FRMD6: variants seen among roughly 807,000 people sequenced by gnomAD.
The protein encoded by FRMD6 is FERM domain-containing protein 6.
Under a neutral mutation model 73.2 loss-of-function variants are expected in FRMD6, and 37 were observed. The observed-to-expected ratio is 0.51, with a 90% CI of 0.39 to 0.66. The LOEUF is 0.66. FRMD6 is among the 30% of genes least tolerant of loss of function. The probability of loss-of-function intolerance (pLI) is 0.00; values close to 1 mark genes in which losing one functional copy is unlikely to be tolerated. For synonymous variants in FRMD6, 273 were observed against 282.2 expected, an observed-to-expected ratio of 0.97 and a Z score of 0.33; for missense variants, 714 against 780.5, an observed-to-expected ratio of 0.91 and a Z score of 1.02.
At chr14:51,542,160 C>T (rs1380134490) in intron 1 of FRMD6, among the ~76,000 whole-genome samples, 1 of 151,988 alleles carries the variant, frequency 6.6e-6, no homozygotes, top group Admixed American at 6.6e-5. Context: ...AACAAAATTT[C>T]CCATTTTAAA....
intron 6 of FRMD6, 24 bp downstream of exon 6, chr14:51,704,959 A>T (rs779063213): frequency 1.9e-6 from 3 of 1,583,312 alleles, no homozygotes; most frequent in Non-Finnish European, 2.6e-6. Flanking sequence ...TCAAATTCGA[A>T]AGAGTGTTTT....
chr14:51,566,034 G>C (rs890546593), intron 1 of FRMD6, among the ~76,000 whole-genome samples: 1 of 152,056 alleles, frequency 6.6e-6, no homozygotes, highest in Non-Finnish European at 1.5e-5. Context: ...GTGTGGTGGC[G>C]GGCGCCTGTA....
At chr14:51,472,654 A>T in the FRMD6 span, among the ~76,000 whole-genome samples, 1 of 151,760 alleles carries the variant, frequency 6.6e-6, no homozygotes, top group Non-Finnish European at 1.5e-5. Flanking sequence ...AAGGAGAACC[A>T]ACAGGGACCC....
At chr14:51,658,587 C>A (rs1212440167) in intron 1 of FRMD6, among the ~76,000 whole-genome samples, 1 of 152,156 alleles carries the variant, frequency 6.6e-6, no homozygotes, top group African/African-American at 2.4e-5. Flanking sequence ...CTTCCTTCCA[C>A]CCCCATCCAG....
At chr14:51,671,792 A>G (rs888602769) in intron 1 of FRMD6, among the ~76,000 whole-genome samples, 5 of 152,248 alleles carry the variant, frequency 3.3e-5, no homozygotes. Context: ...CTGCAGGGGC[A>G]GACCATTCAC....
chr14:51,428,090 A>G, the FRMD6 span, among the ~76,000 whole-genome samples: 3 of 152,198 alleles, frequency 2.0e-5, no homozygotes, highest in Admixed American at 6.5e-5. Flanking sequence ...CTACATTTTA[A>G]AAAAGACTCA....
chr14:51,613,084 C>T (rs1299034872), intron 2 of FRMD6, among the ~76,000 whole-genome samples: 5 of 152,110 alleles, frequency 3.3e-5, no homozygotes, highest in African/African-American at 1.2e-4. Flanking sequence ...AGAATTGAGA[C>T]AGTTTATGGA....
intron 1 of FRMD6, among the ~76,000 whole-genome samples, chr14:51,543,419 ACTG>A (rs1213411437): frequency 6.6e-6 from 1 of 152,034 alleles, no homozygotes; most frequent in Non-Finnish European, 1.5e-5. Flanking sequence ...AAAAAACAAA[ACTG>A]CTAAGTAGAA....
upstream of FRMD6, among the ~76,000 whole-genome samples, chr14:51,649,099 A>G (rs1892210135): frequency 6.6e-6 from 1 of 152,190 alleles, no homozygotes; most frequent in South Asian, 2.1e-4. Context: ...GAAATATCTA[A>G]AACAACACAT....
chr14:51,495,563 C>G (rs1235579646), intron 1 of FRMD6, among the ~76,000 whole-genome samples: 2 of 152,180 alleles, frequency 1.3e-5, no homozygotes, highest in Non-Finnish European at 2.9e-5. Context: ...CCTAGGCTGC[C>G]CTGTTCTTTA....
At chr14:51,440,661 A>T in the FRMD6 span, among the ~76,000 whole-genome samples, 1 of 152,238 alleles carries the variant, frequency 6.6e-6, no homozygotes. Flanking sequence ...ACATAGAGCC[A>T]AGCAAATGTA....
intron 1 of FRMD6, among the ~76,000 whole-genome samples, chr14:51,521,790 G>A (rs1884969959): frequency 2.0e-5 from 3 of 151,388 alleles, no homozygotes; most frequent in South Asian, 4.2e-4. Flanking sequence ...TACATATTGT[G>A]GAATTCAGCT....
intron 1 of FRMD6, among the ~76,000 whole-genome samples, chr14:51,511,890 T>TAATAATAAA (rs1455431512): frequency 2.0e-5 from 3 of 151,306 alleles, no homozygotes; most frequent in African/African-American, 7.3e-5. Flanking sequence ...ATAATAATAA[T>TAATAATAAA]AAAGAAATAA....
chr14:51,576,867 T>G (rs1217546100), intron 2 of FRMD6, among the ~76,000 whole-genome samples: 2 of 152,222 alleles, frequency 1.3e-5, no homozygotes. Flanking sequence ...GGCCACATGA[T>G]GTTAGACAAG....
the FRMD6 span, among the ~76,000 whole-genome samples, chr14:51,463,477 T>C: frequency 6.6e-6 from 1 of 152,214 alleles, no homozygotes; most frequent in Non-Finnish European, 1.5e-5. Flanking sequence ...AAATTTTCAA[T>C]TTGCAGTTGG....
chr14:51,657,522 A>G (rs77353878), intron 1 of FRMD6, among the ~76,000 whole-genome samples: 1 of 152,216 alleles, frequency 6.6e-6, no homozygotes. Flanking sequence ...GATATATCCA[A>G]ATTGATGTAG....
At chr14:51,470,169 C>G in the FRMD6 span, among the ~76,000 whole-genome samples, 24 of 152,164 alleles carry the variant, frequency 1.6e-4, no homozygotes, top group Middle Eastern at 6.8e-3. Context: ...CTCTTTCTCT[C>G]TGTGTTTCAA....
At chr14:51,720,004 A>G (rs979139446) in intron 10 of FRMD6, 51 bp from the exon 11 acceptor site, 1 of 1,448,022 alleles carries the variant, frequency 6.9e-7, no homozygotes, top group South Asian at 1.3e-5. Flanking sequence ...ACTTAAGCTC[A>G]CCAGCCGTTC....
chr14:51,683,161 T>C lies in FRMD6; in HGVS notation c.-146-6530T>C, dbSNP rs113351427. Reference sequence around the variant, plus strand: ...TACCCAAAAGTAGACTTCTTAAAGTTTAGCTCATTTGCTACATCTGGCTCC... The same window carrying C: ...TACCCAAAAGTAGACTTCTTAAAGTCTAGCTCATTTGCTACATCTGGCTCC... On this transcript the variant is annotated intron_variant, in intron 1 of 13. Coordinates refer to ENST00000344768, the MANE Select transcript of FRMD6 (RefSeq NM_001267046.2). Among the ~76,000 whole-genome samples the C allele has an allele frequency of 6.8e-3, 1,029 of 152,382 alleles. 14 individuals are homozygous for C. Among genetic ancestry groups the C allele is most frequent in the African/African-American group, 0.024 (983 of 41,592 alleles).
Sources: gnomAD v4.1 joint callset for allele counts (sites outside exome capture counted in the v4.1 genomes callset) on GRCh38, gnomAD v4.1.1 for gene constraint, MANE v1.5 for transcripts, NCBI Gene and HGNC (gene_info 2026-07-23, HGNC 2026-07-21) for gene names.